Variants in CENPE observed in about 807,000 individuals in gnomAD.
The protein encoded by CENPE is centromere-associated protein E.
A neutral mutation model predicts 336.1 loss-of-function variants in CENPE; 145 were observed. That is an observed-to-expected ratio of 0.43 (90% confidence interval 0.38 to 0.50). The LOEUF is 0.50. CENPE is among the 20% of genes least tolerant of loss of function. The pLI is 0.00. For missense variants in CENPE, 2,719 were observed against 3,023.3 expected, an observed-to-expected ratio of 0.90 and a Z score of 2.36; for synonymous variants, 1,013 against 984.8, an observed-to-expected ratio of 1.03 and a Z score of -0.54.
intron 9 of CENPE, among the ~76,000 whole-genome samples, chr4:103,184,463 G>C (rs1366078474): frequency 6.6e-6 from 1 of 152,188 alleles, no homozygotes; most frequent in African/African-American, 2.4e-5. Flanking sequence ...ACTGTAAGTT[G>C]ACTTCCAACA....
At chr4:103,156,087 T>G (rs1753937052) in intron 24 of CENPE, among the ~76,000 whole-genome samples, 1 of 152,074 alleles carries the variant, frequency 6.6e-6, no homozygotes, top group African/African-American at 2.4e-5. Context: ...TGAGAAGAAA[T>G]TAAAGAAGAC....
intron 25 of CENPE, among the ~76,000 whole-genome samples, chr4:103,152,558 G>T (rs937083316): frequency 6.6e-6 from 1 of 152,138 alleles, no homozygotes; most frequent in Admixed American, 6.5e-5. Context: ...AATAAAAAGA[G>T]TTGTACGAGA....
In CENPE at chr4:103,114,504, C is replaced by CTTCTCT. The variant is rs1251106175; in HGVS notation, c.7490_7491insAGAGAA (p.Arg2497_Leu2498insGluLys). On this transcript the variant is annotated inframe_insertion, in exon 46 of 49. Coordinates refer to ENST00000265148, the MANE Select transcript of CENPE (RefSeq NM_001813.3). Reference sequence around the variant, plus strand: ...TTCTTCTGAGATTTTCTCTCAATAGCCTTATAACTTCCTTTTGATATTCTA... The same window carrying CTTCTCT: ...TTCTTCTGAGATTTTCTCTCAATAGCTTCTCTCTTATAACTTCCTTTTGATATTCTA... The CTTCTCT allele has an allele frequency of 6.2e-7, 1 of 1,611,694 alleles. No homozygotes were observed. Among genetic ancestry groups the CTTCTCT allele is most frequent in the East Asian group, 2.2e-5 (1 of 44,868 alleles).
At chr4:103,112,231 T>C (rs1292605593) in intron 46 of CENPE, among the ~76,000 whole-genome samples, 2 of 148,184 alleles carry the variant, frequency 1.3e-5, no homozygotes, top group East Asian at 3.9e-4. Flanking sequence ...TCTGTAAATA[T>C]ATAAGTATTA....
chr4:103,117,622 C>CTTTTTTTTTTTTT (rs771337112), intron 44 of CENPE, among the ~76,000 whole-genome samples: 1 of 115,062 alleles, frequency 8.7e-6, no homozygotes, highest in Admixed American at 8.6e-5. Context: ...ATTTTCTTTC[C>CTTTTTTTTTTTTT]TTTTTTTTTT....
rs772083380 is a variant in CENPE at position 103,194,185 on chromosome 4, G to C, written c.693+44C>G. 4.8e-6 allele frequency: 7 copies of C among 1,447,222 alleles called. 1 individual carries two copies. The South Asian group carries it at 8.4e-5, about 17-fold the overall frequency. The allele number at this position is 1,447,222 out of a possible 1,614,324, so 89.6% of individuals were successfully genotyped here. On this transcript the variant is annotated intron_variant, in intron 8 of 48. Coordinates refer to ENST00000265148, the MANE Select transcript of CENPE (RefSeq NM_001813.3). ...ACATCCAGCAACTAAATTAAATTTTGTTTTGGCCCATACAGTACATTATTA... is the reference window on the plus strand; with the variant it reads ...ACATCCAGCAACTAAATTAAATTTTCTTTTGGCCCATACAGTACATTATTA...
chr4:103,110,676 T>C (rs1318807333), intron 47 of CENPE, 152 bp downstream of exon 47: 2 of 488,756 alleles, frequency 4.1e-6, no homozygotes, highest in Non-Finnish European at 7.0e-6. Context: ...TCTCATTTTT[T>C]AAAAAAGATA....
chr4:103,121,700 C>T (rs924782562), intron 43 of CENPE, among the ~76,000 whole-genome samples: 3 of 151,760 alleles, frequency 2.0e-5, no homozygotes, highest in Non-Finnish European at 4.4e-5. Context: ...AGGTGGATGT[C>T]ACTGCACCTG....
Position 103,124,421 on chromosome 4 carries a change from T to C in CENPE, c.6925-1332A>G, listed in dbSNP as rs144262479. Among the ~76,000 whole-genome samples, 803 of 152,346 alleles carry C rather than the reference T, an allele frequency of 5.3e-3. 6 individuals are homozygous for C. The highest frequency in any genetic ancestry group is 0.015 in the African/African-American group (627 of 41,580). On this transcript the variant is annotated intron_variant, in intron 42 of 48. Coordinates refer to ENST00000265148, the MANE Select transcript of CENPE (RefSeq NM_001813.3). Reference sequence around the variant, plus strand: ...TAATCTCACTTTATTAGATTTGTACTAACATATGAAGAGAACCTGAAGAAT... The same window carrying C: ...TAATCTCACTTTATTAGATTTGTACCAACATATGAAGAGAACCTGAAGAAT...
chr4:103,122,459 T>A (rs984174000), intron 43 of CENPE, among the ~76,000 whole-genome samples: 22 of 152,182 alleles, frequency 1.4e-4, no homozygotes, highest in Admixed American at 2.6e-4. Flanking sequence ...GATTATAACA[T>A]TAAGCAATAT....
chr4:103,120,156 C>T lies in CENPE; in HGVS notation c.7321G>A (p.Val2441Ile). 2 of 1,595,926 alleles carry T rather than the reference C, an allele frequency of 1.3e-6. No individual in the cohort carries two copies. Among genetic ancestry groups the T allele is most frequent in the South Asian group, 1.1e-5 (1 of 87,246 alleles). The change falls in exon 44 of 49, where the codon GTA becomes ATA. Residue 2441 changes from valine to isoleucine, a missense_variant. By Grantham distance (29) the Val-to-Ile change is conservative (BLOSUM62 3). Around this residue, in one of 5 missense-constraint regions of CENPE, gnomAD observed 2,437 missense variants for 2,513.3 expected, o/e 0.97. Coordinates refer to ENST00000265148, the MANE Select transcript of CENPE (RefSeq NM_001813.3). ...TTTTATGTTTAAGTTACCTGAAGTA[C>T]TTGAATTGTCTCTTTTGTTTTTTCA... ...CLEKTKETIQ[V>I]LQDKVALGAK...
intron 8 of CENPE, among the ~76,000 whole-genome samples, chr4:103,193,851 T>C (rs991134996): frequency 4.6e-5 from 7 of 152,056 alleles, no homozygotes; most frequent in Non-Finnish European, 1.0e-4. Context: ...GTTGATCACA[T>C]AAGTCTAAAT....
chr4:103,133,530 G>C (rs1230090290), intron 41 of CENPE, among the ~76,000 whole-genome samples, 165 bp downstream of exon 41: 1 of 152,182 alleles, frequency 6.6e-6, no homozygotes, highest in Non-Finnish European at 1.5e-5. Context: ...GGTCTGAAGA[G>C]AGGCTAGTCC....
chr4:103,197,280 C>A (rs138991632), intron 1 of CENPE, among the ~76,000 whole-genome samples: 2 of 152,200 alleles, frequency 1.3e-5, no homozygotes, highest in Admixed American at 1.3e-4. Flanking sequence ...ACAGATGTAA[C>A]CTCTCTGTGC....
rs2306106 is a variant in CENPE at position 103,140,394 on chromosome 4, T to G, written c.5775A>C (p.Glu1925Asp). 6,267 of 1,594,828 alleles carry G rather than the reference T, an allele frequency of 3.9e-3. 369 individuals are homozygous for G. The Admixed American group carries it at 0.1, about 26-fold the overall frequency. ...TTGATAGCATACGAGCAGTTTTTAG[T>G]TCCTGTTGTATTTCCAGATCCTTTA... Reference protein sequence around the residue: ...TKARDLEIQQELKTARMLSKE... With the variant: ...TKARDLEIQQDLKTARMLSKE... Residue 1925 changes from glutamate (E) to aspartate (D), a missense_variant, in exon 37 of 49, where the codon GAA becomes GAC. Physicochemically the swap from Glu to Asp is conservative, Grantham distance 45. Around this residue, in one of 5 missense-constraint regions of CENPE, gnomAD observed 2,437 missense variants for 2,513.3 expected, o/e 0.97. Transcript: ENST00000265148.
intron 21 of CENPE, among the ~76,000 whole-genome samples, chr4:103,160,269 C>T (rs929926129): frequency 2.6e-5 from 4 of 151,708 alleles, no homozygotes; most frequent in African/African-American, 7.3e-5. Context: ...TCCCTCATTA[C>T]TGTCTTTTAT....
intron 44 of CENPE, among the ~76,000 whole-genome samples, chr4:103,119,615 A>T (rs190066416): frequency 7.4e-4 from 112 of 152,340 alleles, no homozygotes; most frequent in African/African-American, 2.5e-3. Flanking sequence ...GCCAATTTGG[A>T]TCAGACTCGA....
Position 103,159,337 on chromosome 4 carries a change from A to G in CENPE, c.2287-13T>C. ...ATTTGTCTTGTATCTATGGAAAAGA[A>G]ATAAAATTTAGGGATGTTAGCAACA... is the stretch of plus-strand genomic sequence containing the variant. On this transcript the variant is annotated splice_polypyrimidine_tract_variant and intron_variant, in intron 21 of 48. Coordinates refer to ENST00000265148, the MANE Select transcript of CENPE (RefSeq NM_001813.3). 1 of 1,370,082 alleles carries G rather than the reference A, an allele frequency of 7.3e-7. No homozygotes were observed. The highest frequency in any genetic ancestry group is 1.7e-5 in the South Asian group (1 of 59,738). The allele number at this position is 1,370,082 out of a possible 1,614,324, so 84.9% of individuals were successfully genotyped here.
Position 103,153,035 on chromosome 4 carries a change from G to A in CENPE, c.3237+12C>T, listed in dbSNP as rs1469484640. Reference sequence around the variant, plus strand: ...AAAAAGGTAATGCCAAGTATACAGTGCTAAATCCTACCATTTCAATATTTT... The same window carrying A: ...AAAAAGGTAATGCCAAGTATACAGTACTAAATCCTACCATTTCAATATTTT... On this transcript the variant is annotated intron_variant, in intron 25 of 48. Transcript: ENST00000265148. 6.3e-7 allele frequency: 1 copy of A among 1,594,068 alleles called. No individual in the cohort carries two copies. Among genetic ancestry groups the A allele is most frequent in the Non-Finnish European group, 8.6e-7 (1 of 1,165,994 alleles).
Sources: allele counts gnomAD v4.1 joint callset (sites outside exome capture counted in the v4.1 genomes callset), GRCh38; gene constraint gnomAD v4.1.1; regional missense constraint gnomAD v4.1.1; transcripts MANE v1.5; gene names NCBI Gene and HGNC (gene_info 2026-07-23, HGNC 2026-07-21).